FERMT2: variants seen among roughly 807,000 people sequenced by gnomAD.
FERMT2 encodes fermitin family homolog 2.
Under a neutral mutation model 82.7 loss-of-function variants are expected in FERMT2, and 15 were observed. That is an observed-to-expected ratio of 0.18 (90% CI 0.12 to 0.28). FERMT2 has a LOEUF of 0.28. Among genes scored for constraint, FERMT2 ranks in the 10% least tolerant of loss-of-function variants. The pLI is 1.00. For synonymous variants in FERMT2, 274 were observed against 271.5 expected (o/e 1.01, Z -0.09); for missense variants, 645 against 809.4 (o/e 0.80, Z 2.46).
At chr14:52,910,201 T>TA (rs1888238270) in intron 3 of FERMT2, among the ~76,000 whole-genome samples, 1 of 152,242 alleles carries the variant, frequency 6.6e-6, no homozygotes, top group South Asian at 2.1e-4. Flanking sequence ...AACTGAGCTT[T>TA]AGTCAATCTG....
At chr14:52,933,017 GAA>G (rs147927762) in intron 2 of FERMT2, among the ~76,000 whole-genome samples, 1,791 of 151,646 alleles carry the variant, frequency 0.012, 52 homozygotes, top group East Asian at 0.074. Flanking sequence ...AAACAACAAA[GAA>G]ATGAACAAAA....
rs193081218 is a variant in FERMT2 at position 52,861,076 on chromosome 14, A to G, written c.1603-611T>C. On this transcript the variant is annotated intron_variant, in intron 12 of 14. Transcript: ENST00000341590. The stretch of plus-strand genomic sequence containing the variant: ...GAGGAAAGAAAAAGGAAGCAGAAAG[A>G]AAAAAAAAGGCAATCAGAAAAAATG... 8.8e-4 allele frequency: 1,272 copies of G among 1,447,218 alleles called. 11 individuals are homozygous for G. In the South Asian group the frequency reaches 9.8e-3, roughly 11 times the overall value. 89.6% of individuals were successfully genotyped at this position (1,447,218 alleles called of 1,614,324 possible).
At chr14:52,889,133 C>T (rs1439928420) in intron 4 of FERMT2, among the ~76,000 whole-genome samples, 1 of 152,128 alleles carries the variant, frequency 6.6e-6, no homozygotes, top group Non-Finnish European at 1.5e-5. Context: ...TCTTCTCATG[C>T]TACCAATTTT....
At chr14:52,864,891 CT>C (rs1885175973) in intron 10 of FERMT2, 38 bp from the exon 11 acceptor site, 1 of 1,189,924 alleles carries the variant, frequency 8.4e-7, no homozygotes, top group South Asian at 1.3e-5. Flanking sequence ...GCTAAATTTA[CT>C]TTTAAGAAAT....
At chr14:52,861,349 C>T (rs770533682) in intron 12 of FERMT2, 3 of 326,728 alleles carry the variant, frequency 9.2e-6, no homozygotes, top group Non-Finnish European at 1.7e-5. Context: ...GCAAATATTT[C>T]TTTCCCCCTA....
intron 4 of FERMT2, among the ~76,000 whole-genome samples, chr14:52,890,874 G>A (rs930200812): frequency 6.6e-6 from 1 of 152,158 alleles, no homozygotes; most frequent in Non-Finnish European, 1.5e-5. Flanking sequence ...AAAGTGCTGG[G>A]ATTATAGGCG....
intron 1 of FERMT2, 76 bp from the exon 2 acceptor site, chr14:52,950,653 C>T (rs1890589387): frequency 6.8e-7 from 1 of 1,480,294 alleles, no homozygotes; most frequent in Admixed American, 1.7e-5. Context: ...ATTCGCAGCG[C>T]CGGCCACGGG....
chr14:52,884,062 C>A (rs933246255), intron 4 of FERMT2, among the ~76,000 whole-genome samples: 3 of 152,196 alleles, frequency 2.0e-5, no homozygotes, highest in Non-Finnish European at 4.4e-5. Context: ...CAAATACAAT[C>A]ACACATTTAA....
At chr14:52,862,184 C>T (rs1347969515) in intron 12 of FERMT2, 1 of 152,226 alleles carries the variant, frequency 6.6e-6, no homozygotes, top group African/African-American at 2.4e-5. Context: ...CCTGCCTCAG[C>T]CTCCCAAGTA....
At chr14:52,904,314 G>T (rs577280142) in intron 3 of FERMT2, among the ~76,000 whole-genome samples, 3 of 152,026 alleles carry the variant, frequency 2.0e-5, no homozygotes, top group Non-Finnish European at 4.4e-5. Flanking sequence ...GTCAGGAGTT[G>T]GAGACCAGCC....
intron 2 of FERMT2, among the ~76,000 whole-genome samples, chr14:52,921,953 T>C (rs1347385264): frequency 2.6e-5 from 4 of 152,074 alleles, no homozygotes. Flanking sequence ...AGCTCCATCA[T>C]ATACTCCCCG....
At chr14:52,950,025 C>T (rs1351314741) in intron 2 of FERMT2, among the ~76,000 whole-genome samples, 2 of 152,212 alleles carry the variant, frequency 1.3e-5, no homozygotes, top group African/African-American at 4.8e-5. Context: ...CACTAACATT[C>T]AGGTATGCTG....
At chr14:52,865,986 A>T (rs1474063952) in intron 10 of FERMT2, among the ~76,000 whole-genome samples, 1 of 152,246 alleles carries the variant, frequency 6.6e-6, no homozygotes, top group Non-Finnish European at 1.5e-5. Flanking sequence ...AGGCTTTAGA[A>T]TGATGAGAAC....
intron 2 of FERMT2, among the ~76,000 whole-genome samples, chr14:52,926,108 C>T (rs1889254633): frequency 6.6e-6 from 1 of 151,210 alleles, no homozygotes; most frequent in Admixed American, 6.6e-5. Context: ...TTTCCTCTAG[C>T]TAAAGACTGA....
At chr14:52,939,095 C>CT (rs1889976392) in intron 2 of FERMT2, among the ~76,000 whole-genome samples, 1 of 148,166 alleles carries the variant, frequency 6.7e-6, no homozygotes, top group South Asian at 2.1e-4. Context: ...TGGCTCACGT[C>CT]TGTAATCCCA....
intron 7 of FERMT2, among the ~76,000 whole-genome samples, chr14:52,876,327 T>A (rs1211245909): frequency 1.3e-5 from 2 of 152,230 alleles, no homozygotes; most frequent in Non-Finnish European, 1.5e-5. Context: ...TCATAAATTA[T>A]GGGAAATGAG....
chr14:52,948,286 A>G (rs1033298240), intron 2 of FERMT2, among the ~76,000 whole-genome samples: 5 of 152,354 alleles, frequency 3.3e-5, no homozygotes, highest in Admixed American at 2.0e-4. Flanking sequence ...CAACTCTGAA[A>G]AATTACAAAG....
intron 2 of FERMT2, among the ~76,000 whole-genome samples, chr14:52,948,152 C>G (rs1284190736): frequency 6.6e-6 from 1 of 152,212 alleles, no homozygotes; most frequent in Non-Finnish European, 1.5e-5. Context: ...CACCTTTTAT[C>G]TAGACTCTGC....
intron 8 of FERMT2, 75 bp downstream of exon 8, chr14:52,875,148 T>A: frequency 7.7e-7 from 1 of 1,304,370 alleles, no homozygotes; most frequent in Non-Finnish European, 1.1e-6. Flanking sequence ...CCCCAAATAC[T>A]TTGAACCTAA....
Sources: allele counts gnomAD v4.1 joint callset (sites outside exome capture counted in the v4.1 genomes callset), GRCh38; gene constraint gnomAD v4.1.1; transcripts MANE v1.5; gene names NCBI Gene and HGNC (gene_info 2026-07-23, HGNC 2026-07-21).